The following NFASC variants were observed in gnomAD, a reference collection of about 807,000 sequenced individuals.
NFASC encodes neurofascin homolog.
NFASC carries 43 observed loss-of-function variants against 147.5 expected under a neutral mutation model. That is an observed-to-expected ratio of 0.29 (90% CI 0.23 to 0.38). NFASC has a LOEUF of 0.38. Among genes scored for constraint, NFASC ranks in the 10% least tolerant of loss-of-function variants. NFASC has a pLI of 1.00. For synonymous variants in NFASC, 622 were observed against 665.5 expected, an observed-to-expected ratio of 0.93 and a Z score of 1.01; for missense variants, 1,320 against 1,689.0, an observed-to-expected ratio of 0.78 and a Z score of 3.83.
At position 205,016,736 on chromosome 1, in the gene NFASC, G is replaced by A. The variant is rs556291038; in HGVS notation, c.*197G>A. The A allele has an allele frequency of 3.4e-5, 22 of 651,322 alleles. No individual in the cohort carries two copies. Among genetic ancestry groups the A allele is most frequent in the East Asian group, 5.7e-5 (2 of 34,822 alleles). The allele number at this position is 651,322 out of a possible 1,614,324, so 40.3% of individuals were successfully genotyped here. ...CTCCCAATGACCCCCCTTCAGCCCC[G>A]GGTGCCACCAGTGTGGGAGAGCTGG... On this transcript the variant is annotated 3_prime_UTR_variant, in exon 30 of 30. Coordinates refer to ENST00000339876, the MANE Select transcript of NFASC (RefSeq NM_001005388.3). This position sits in a 1 kb window ranked among gnomAD's most constrained non-coding sequence, Gnocchi z 5.1.
At position 205,022,436 on chromosome 1, in the gene NFASC, G is replaced by A. The variant is rs1386143424; in HGVS notation, c.*5897G>A. The A allele has an allele frequency of 6.6e-6, 1 of 152,292 alleles. No homozygotes were observed. The highest frequency in any genetic ancestry group is 1.5e-5 in the Non-Finnish European group (1 of 67,980). The allele number at this position is 152,292 out of a possible 1,614,324, so 9.4% of individuals were successfully genotyped here. ...CATTCCAATTTGTTCTTTCCCGTGGGGAATTTTTTTTCCCAGCGTCTCCAT... is the reference window on the plus strand; with the variant it reads ...CATTCCAATTTGTTCTTTCCCGTGGAGAATTTTTTTTCCCAGCGTCTCCAT... On this transcript the variant is annotated 3_prime_UTR_variant, in exon 30 of 30. Transcript: ENST00000339876.
At chr1:204,860,585 CTT>C (rs2076574392) in intron 1 of NFASC, among the ~76,000 whole-genome samples, 1 of 152,232 alleles carries the variant, frequency 6.6e-6, no homozygotes, top group Non-Finnish European at 1.5e-5. Context: ...GTAAAATACA[CTT>C]AACATAAAAT....
At chr1:204,853,392 G>T (rs1202663110) in intron 1 of NFASC, among the ~76,000 whole-genome samples, 1 of 152,134 alleles carries the variant, frequency 6.6e-6, no homozygotes, top group Non-Finnish European at 1.5e-5. Context: ...TTTCCTCTGT[G>T]TGTATGTGTG....
At chr1:204,962,920 C>T (rs927416053) in intron 8 of NFASC, among the ~76,000 whole-genome samples, 11 of 152,162 alleles carry the variant, frequency 7.2e-5, no homozygotes, top group African/African-American at 2.7e-4. Context: ...TGGCTATTTC[C>T]ACACCTGAGT....
chr1:204,920,545 T>C (rs1281165949), intron 1 of NFASC, 87 bp from the exon 2 acceptor site: 1 of 547,766 alleles, frequency 1.8e-6, no homozygotes, highest in Non-Finnish European at 3.0e-6. Context: ...CCCCAGTGAA[T>C]GAGCAAGCTG....
chr1:204,921,556 G>T (rs2090491313), intron 2 of NFASC, among the ~76,000 whole-genome samples: 1 of 152,126 alleles, frequency 6.6e-6, no homozygotes, highest in African/African-American at 2.4e-5. Flanking sequence ...GGGGGGAGGG[G>T]CGTGGAGAGG....
intron 2 of NFASC, among the ~76,000 whole-genome samples, chr1:204,924,055 A>C (rs1292326514): frequency 6.6e-6 from 1 of 152,258 alleles, no homozygotes; most frequent in Admixed American, 6.5e-5. Flanking sequence ...ACTGGAGCTA[A>C]GAGTCTTTGG....
At chr1:204,898,818 T>C (rs1192102239) in intron 1 of NFASC, among the ~76,000 whole-genome samples, 1 of 152,194 alleles carries the variant, frequency 6.6e-6, no homozygotes, top group Non-Finnish European at 1.5e-5. Flanking sequence ...AAAGGACTAA[T>C]TGGCCGACCC....
intron 1 of NFASC, among the ~76,000 whole-genome samples, chr1:204,901,708 G>A (rs1345472879): frequency 6.6e-6 from 1 of 152,156 alleles, no homozygotes; most frequent in East Asian, 1.9e-4. Flanking sequence ...TGGGGGCAAG[G>A]GAGGCTCCTC....
intron 22 of NFASC, 68 bp from the exon 23 acceptor site, chr1:204,988,565 C>A: frequency 7.1e-7 from 1 of 1,402,154 alleles, no homozygotes; most frequent in Non-Finnish European, 1.0e-6. Context: ...CTTCCTCCAG[C>A]TTGCAGATTA....
chr1:204,997,069 C>G, intron 24 of NFASC, 101 bp from the exon 25 acceptor site: 1 of 1,530,960 alleles, frequency 6.5e-7, no homozygotes, highest in East Asian at 2.3e-5. Flanking sequence ...GACTAAGCCC[C>G]GTCTCCTCAC....
At chr1:204,875,163 A>T (rs1276662164) in intron 1 of NFASC, among the ~76,000 whole-genome samples, 1 of 152,030 alleles carries the variant, frequency 6.6e-6, no homozygotes, top group African/African-American at 2.4e-5. Context: ...GCTCATATTG[A>T]TGTAGACACA....
chr1:204,912,471 T>C (rs4556420), intron 1 of NFASC, among the ~76,000 whole-genome samples: 65,950 of 150,800 alleles, frequency 0.44, 14,772 homozygotes, highest in Admixed American at 0.55. Flanking sequence ...CTGAGGCAGG[T>C]GGATTACCTG....
At chr1:205,007,355 C>T (rs937021710) in intron 27 of NFASC, among the ~76,000 whole-genome samples, 1 of 149,310 alleles carries the variant, frequency 6.7e-6, no homozygotes, top group Non-Finnish European at 1.5e-5. Context: ...ATGATAACAC[C>T]ACTGCACTCC....
intron 1 of NFASC, among the ~76,000 whole-genome samples, chr1:204,865,121 C>T (rs2077006245): frequency 6.6e-6 from 1 of 152,092 alleles, no homozygotes; most frequent in East Asian, 1.9e-4. Context: ...TATATTAGTG[C>T]CCCTTTATCC....
At chr1:204,889,443 T>G (rs192456295) in intron 1 of NFASC, among the ~76,000 whole-genome samples, 6 of 152,354 alleles carry the variant, frequency 3.9e-5, no homozygotes, top group East Asian at 1.9e-4. Context: ...GTACAAGTGC[T>G]TCATTACGCA....
chr1:204,986,585 C>T lies in NFASC; in HGVS notation c.2471-833C>T, dbSNP rs906232442. On this transcript the variant is annotated intron_variant, in intron 21 of 29. Transcript: ENST00000339876. The surrounding 1 kb of genome is among the most constrained non-coding windows in gnomAD (Gnocchi z 4.2). Reference sequence around the variant, plus strand: ...CTGCAGAGGGATACCCAAGTATAGCCCCGCCTTCTGCAGGCCTATGGTTTC... The same window carrying T: ...CTGCAGAGGGATACCCAAGTATAGCTCCGCCTTCTGCAGGCCTATGGTTTC... 6 of 182,632 alleles carry T rather than the reference C, an allele frequency of 3.3e-5. No individual in the cohort carries two copies. Among genetic ancestry groups the T allele is most frequent in the African/African-American group, 1.4e-4 (6 of 43,142 alleles). 11.3% of individuals were successfully genotyped at this position (182,632 alleles called of 1,614,324 possible).
chr1:204,955,947 C>A lies in NFASC; in HGVS notation c.535+996C>A, dbSNP rs181615317. 2.3e-3 allele frequency among the ~76,000 whole-genome samples: 357 copies of A among 152,306 alleles called. 1 individual carries two copies. The highest frequency in any genetic ancestry group is 4.1e-3 in the Non-Finnish European group (282 of 68,030). On this transcript the variant is annotated intron_variant, in intron 7 of 29. Coordinates refer to ENST00000339876, the MANE Select transcript of NFASC (RefSeq NM_001005388.3). ...GGTTGAGGATGGCTTTGTGCTCAAT[C>A]ACTGTCTCTCTCTTCCCCCATCACA...
chr1:204,900,007 G>T (rs1482375801), intron 1 of NFASC, among the ~76,000 whole-genome samples: 1 of 152,178 alleles, frequency 6.6e-6, no homozygotes, highest in Non-Finnish European at 1.5e-5. Context: ...CCATTATAGT[G>T]GATGTGTTGA....
Sources: allele counts gnomAD v4.1 joint callset (sites outside exome capture counted in the v4.1 genomes callset), GRCh38; gene constraint gnomAD v4.1.1; non-coding constraint Gnocchi (gnomAD v3.1); transcripts MANE v1.5; gene names NCBI Gene and HGNC (gene_info 2026-07-23, HGNC 2026-07-21).